The following PAK5 variants were observed in gnomAD, a reference collection of about 807,000 sequenced individuals.
PAK5 encodes the protein serine/threonine-protein kinase PAK 5.
A neutral mutation model predicts 65.9 loss-of-function variants in PAK5; 16 were observed. The ratio of observed to expected loss-of-function variants is 0.24; its 90% CI spans 0.16 to 0.37. The LOEUF is 0.37. PAK5 is among the 10% of genes least tolerant of loss of function. PAK5 has a pLI of 1.00. For synonymous variants in PAK5, 371 were observed against 354.9 expected, an observed-to-expected ratio of 1.05 and a Z score of -0.51; for missense variants, 785 against 903.9, an observed-to-expected ratio of 0.87 and a Z score of 1.69.
intron 1 of PAK5, among the ~76,000 whole-genome samples, chr20:9,761,495 T>G (rs966519109): frequency 6.6e-6 from 1 of 152,150 alleles, no homozygotes; most frequent in Non-Finnish European, 1.5e-5. Context: ...GCATCAAAAT[T>G]CTATCAAAAT....
At chr20:9,740,362 G>A (rs536907350) in intron 1 of PAK5, among the ~76,000 whole-genome samples, 1 of 152,260 alleles carries the variant, frequency 6.6e-6, no homozygotes, top group South Asian at 2.1e-4. Flanking sequence ...TGTGGAGGTG[G>A]AATAAGAGGC....
intron 1 of PAK5, among the ~76,000 whole-genome samples, chr20:9,779,709 T>C (rs2048922207): frequency 6.6e-6 from 1 of 152,050 alleles, no homozygotes; most frequent in African/African-American, 2.4e-5. Context: ...GCAAAATTAA[T>C]TATAGCCCCT....
At chr20:9,720,743 T>C (rs1356333810) in intron 1 of PAK5, among the ~76,000 whole-genome samples, 1 of 152,116 alleles carries the variant, frequency 6.6e-6, no homozygotes, top group African/African-American at 2.4e-5. Context: ...TAACATGCAG[T>C]ATATCCAATC....
At chr20:9,549,697 T>A (rs2045397795) in intron 7 of PAK5, among the ~76,000 whole-genome samples, 4 of 152,208 alleles carry the variant, frequency 2.6e-5, no homozygotes, top group Admixed American at 1.3e-4. Flanking sequence ...TACCTTCTGT[T>A]TTGTTCCTAA....
chr20:9,632,419 A>G (rs987591964), intron 3 of PAK5, among the ~76,000 whole-genome samples: 1 of 152,182 alleles, frequency 6.6e-6, no homozygotes, highest in African/African-American at 2.4e-5. Flanking sequence ...TCGTTGCATG[A>G]TTTCATTGAC....
intron 1 of PAK5, among the ~76,000 whole-genome samples, chr20:9,834,073 T>C (rs752001911): frequency 2.1e-4 from 32 of 152,230 alleles, no homozygotes; most frequent in Non-Finnish European, 4.1e-4. Context: ...ATTGATCCCA[T>C]TGTGTATCCA....
intron 3 of PAK5, among the ~76,000 whole-genome samples, chr20:9,628,971 T>C (rs1300742336): frequency 6.6e-6 from 1 of 152,202 alleles, no homozygotes; most frequent in Non-Finnish European, 1.5e-5. Flanking sequence ...TCTCAGAGCA[T>C]CCCTGGCACA....
intron 2 of PAK5, among the ~76,000 whole-genome samples, chr20:9,669,233 T>C (rs1022974472): frequency 6.6e-6 from 1 of 152,174 alleles, no homozygotes; most frequent in Non-Finnish European, 1.5e-5. Context: ...GTAAAAAGTG[T>C]ATTTAGGATG....
intron 4 of PAK5, among the ~76,000 whole-genome samples, chr20:9,571,520 T>C (rs2045780982): frequency 1.3e-5 from 2 of 152,156 alleles, no homozygotes; most frequent in South Asian, 2.1e-4. Context: ...TCACTCCCAG[T>C]GGGAGGGCGC....
intron 3 of PAK5, among the ~76,000 whole-genome samples, chr20:9,637,483 C>T (rs1053474222): frequency 5.3e-5 from 8 of 152,160 alleles, no homozygotes; most frequent in African/African-American, 1.9e-4. Flanking sequence ...TTAGACCACA[C>T]TTTTGAGAAC....
At chr20:9,583,525 C>A (rs1426769137) in intron 3 of PAK5, among the ~76,000 whole-genome samples, 2 of 152,326 alleles carry the variant, frequency 1.3e-5, no homozygotes, top group South Asian at 2.1e-4. Flanking sequence ...TTTTCCTGCA[C>A]CCCCTTCAAT....
At chr20:9,811,796 G>A (rs1251788522) in intron 1 of PAK5, among the ~76,000 whole-genome samples, 1 of 152,198 alleles carries the variant, frequency 6.6e-6, no homozygotes, top group Non-Finnish European at 1.5e-5. Flanking sequence ...GACAATGGAA[G>A]AAGTTACTAT....
intron 1 of PAK5, among the ~76,000 whole-genome samples, chr20:9,751,391 GGTTT>G (rs1245304291): frequency 2.6e-5 from 4 of 151,970 alleles, no homozygotes; most frequent in African/African-American, 9.7e-5. Context: ...TGAAACGACT[GGTTT>G]CTTCATTAGC....
At chr20:9,619,679 C>T (rs1161664564) in intron 3 of PAK5, among the ~76,000 whole-genome samples, 1 of 152,232 alleles carries the variant, frequency 6.6e-6, no homozygotes, top group Non-Finnish European at 1.5e-5. Flanking sequence ...GTACTGGAGT[C>T]TCTCCGTGCT....
intron 3 of PAK5, among the ~76,000 whole-genome samples, chr20:9,619,879 G>A (rs1466159306): frequency 6.6e-6 from 1 of 152,164 alleles, no homozygotes; most frequent in East Asian, 1.9e-4. Context: ...AGTGCTCTCA[G>A]ACAATCATCA....
At chr20:9,565,048 A>G (rs2045651971) in intron 5 of PAK5, among the ~76,000 whole-genome samples, 1 of 151,926 alleles carries the variant, frequency 6.6e-6, no homozygotes, top group African/African-American at 2.4e-5. Context: ...AATAAATTTG[A>G]TACATGTATA....
chr20:9,731,658 A>G (rs2048336072), intron 1 of PAK5, among the ~76,000 whole-genome samples: 1 of 152,242 alleles, frequency 6.6e-6, no homozygotes, highest in Admixed American at 6.5e-5. Flanking sequence ...GCAAGACAAA[A>G]GCTGACACCA....
chr20:9,745,081 C>T (rs2048490957), intron 1 of PAK5, among the ~76,000 whole-genome samples: 1 of 151,986 alleles, frequency 6.6e-6, no homozygotes, highest in South Asian at 2.1e-4. Flanking sequence ...ATGAAGCCAT[C>T]CCCAGTCAAA....
Position 9,539,637 on chromosome 20 carries a change from C to T in PAK5, c.2005-20G>A. ...AGAAACCTGTGAAAACACACAGATA[C>T]CAATCTGAGGACTAACACAGACACC... On this transcript the variant is annotated intron_variant, in intron 9 of 9. Transcript: ENST00000353224. 1 of 1,609,960 alleles carries T rather than the reference C, an allele frequency of 6.2e-7. No individual in the cohort carries two copies. The highest frequency in any genetic ancestry group is 1.1e-5 in the South Asian group (1 of 90,918).
Sources: gnomAD v4.1 joint callset for allele counts (sites outside exome capture counted in the v4.1 genomes callset) on GRCh38, gnomAD v4.1.1 for gene constraint, MANE v1.5 for transcripts, NCBI Gene and HGNC (gene_info 2026-07-23, HGNC 2026-07-21) for gene names.